Variants in ODF2L observed in about 807,000 individuals in gnomAD.
ODF2L encodes the protein outer dense fiber of sperm tails 2 like, also known as protein BCAP.
Under a neutral mutation model 86.3 loss-of-function variants are expected in ODF2L, and 76 were observed. That is an observed-to-expected ratio of 0.88 (90% CI 0.73 to 1.07). The LOEUF (loss-of-function observed/expected upper bound fraction) is 1.07, where lower values mean the gene tolerates loss of function less well. Among genes scored for constraint, ODF2L ranks in the 50% least tolerant of loss-of-function variants. The pLI is 0.00. For synonymous variants in ODF2L, 241 were observed against 231.3 expected (o/e 1.04, Z -0.38); for missense variants, 748 against 717.4 (o/e 1.04, Z -0.49).
chr1:86,384,593 A>G, intron 4 of ODF2L, 83 bp downstream of exon 4: 1 of 903,576 alleles, frequency 1.1e-6, no homozygotes, highest in Non-Finnish European at 1.5e-6. Flanking sequence ...AAATATACCA[A>G]TAATTTCTAC....
chr1:86,348,848 C>G, downstream of ODF2L: 1 of 1,556,588 alleles, frequency 6.4e-7, no homozygotes, highest in Non-Finnish European at 8.6e-7. Flanking sequence ...TTTTGTACTT[C>G]TTTCAAACAC....
intron 8 of ODF2L, 28 bp from the exon 9 acceptor site, chr1:86,372,568 T>A: frequency 8.4e-7 from 1 of 1,195,772 alleles, no homozygotes; most frequent in Non-Finnish European, 1.2e-6. Flanking sequence ...GTATTCATAC[T>A]ATAATTTTAA....
rs375495271 is a variant in ODF2L at position 86,382,361 on chromosome 1, G to A, written c.508-3C>T. 3.0e-5 allele frequency: 49 copies of A among 1,608,378 alleles called. No individual in the cohort carries two copies. The African/African-American group carries it at 6.2e-4, about 20-fold the overall frequency. ...CGGTTTGCTTTCAAAGTATTTGCCTGTAACAAAGAGAAAGAGAAAACCAAA... is the reference window on the plus strand; with the variant it reads ...CGGTTTGCTTTCAAAGTATTTGCCTATAACAAAGAGAAAGAGAAAACCAAA... On this transcript the variant is annotated splice_polypyrimidine_tract_variant and splice_region_variant and intron_variant, in intron 6 of 17. Transcript: ENST00000317336.
chr1:86,358,676 A>G, intron 13 of ODF2L, 111 bp downstream of exon 12: 1 of 459,998 alleles, frequency 2.2e-6, no homozygotes, highest in Admixed American at 4.1e-5. Flanking sequence ...GGCTAAGACT[A>G]GCCCTTTCCT....
At chr1:86,356,748 T>C (rs1267960908) in intron 13 of ODF2L, 146 bp from the exon 13 acceptor site, 1 of 609,294 alleles carries the variant, frequency 1.6e-6, no homozygotes, top group Non-Finnish European at 2.5e-6. Context: ...AATATTAAAC[T>C]CTGTTAAATA....
At position 86,354,678 on chromosome 1, in the gene ODF2L, ATCTGT is replaced by A. The variant is rs753329431; in HGVS notation, c.1614_1618del (p.Glu538AspfsTer6). 1 of 1,608,810 alleles carries A rather than the reference ATCTGT, an allele frequency of 6.2e-7. No homozygotes were observed. Among genetic ancestry groups the A allele is most frequent in the South Asian group, 1.1e-5 (1 of 89,980 alleles). On this transcript the variant is annotated frameshift_variant, in exon 16 of 18. Transcript: ENST00000317336. LOFTEE classifies it high-confidence loss of function. ...CTCAAGCTCTTTATTTTCTGCGTCC[ATCTGT>A]TCTAATTTTCTTTTTACAGAAAACA... is the stretch of plus-strand genomic sequence containing the variant.
intron 1 of ODF2L, among the ~76,000 whole-genome samples, chr1:86,391,136 G>A (rs150253154): frequency 0.025 from 3,737 of 152,184 alleles, 116 homozygotes; most frequent in East Asian, 0.14. Flanking sequence ...TAACCAAGGA[G>A]GTGAAAGACC....
intron 1 of ODF2L, among the ~76,000 whole-genome samples, chr1:86,391,292 C>A (rs537920168): frequency 1.3e-4 from 20 of 152,036 alleles, no homozygotes; most frequent in African/African-American, 4.8e-4. Flanking sequence ...CAATGCAATT[C>A]GCATAAAAAT....
intron 1 of ODF2L, among the ~76,000 whole-genome samples, chr1:86,394,886 G>A (rs542615808): frequency 8.4e-4 from 117 of 138,752 alleles, no homozygotes; most frequent in African/African-American, 3.0e-3. Flanking sequence ...TGTCGCCCAG[G>A]CTGGAGTGCA....
At chr1:86,357,451 G>A (rs559990994) in intron 13 of ODF2L, among the ~76,000 whole-genome samples, 4 of 151,412 alleles carry the variant, frequency 2.6e-5, no homozygotes, top group Admixed American at 6.6e-5. Context: ...AAGACTTGTC[G>A]CCATCCTTGG....
intron 14 of ODF2L, among the ~76,000 whole-genome samples, chr1:86,355,656 A>AT: frequency 6.6e-6 from 1 of 151,900 alleles, no homozygotes; most frequent in Non-Finnish European, 1.5e-5. Context: ...CCTGTTAGTT[A>AT]TTTTTTCTGA....
At chr1:86,382,243 T>C (rs1174164248) in exon 7 of ODF2L, 3 of 1,607,206 alleles carry the variant, frequency 1.9e-6, no homozygotes, top group Non-Finnish European at 2.5e-6. Flanking sequence ...ATATATAACC[T>C]TTACATATTC....
intron 13 of ODF2L, chr1:86,357,603 G>GA (rs72508994): frequency 0.2 from 33,567 of 167,888 alleles, 3,372 homozygotes; most frequent in African/African-American, 0.31. Context: ...AGTAAAACAG[G>GA]AAAAAAAAAA....
intron 6 of ODF2L, among the ~76,000 whole-genome samples, chr1:86,382,669 G>A (rs1660668941): frequency 6.6e-6 from 1 of 151,726 alleles, no homozygotes; most frequent in Non-Finnish European, 1.5e-5. Flanking sequence ...TTCCCCAACT[G>A]AAACACAATA....
At chr1:86,384,545 TTAA>T (rs1660801538) in intron 4 of ODF2L, 128 bp downstream of exon 4, 1 of 478,560 alleles carries the variant, frequency 2.1e-6, no homozygotes, top group Non-Finnish European at 3.3e-6. Context: ...AAGGTGGGGA[TTAA>T]TGACTGACAA....
intron 11 of ODF2L, chr1:86,368,564 A>C: frequency 1.6e-6 from 2 of 1,248,430 alleles, no homozygotes; most frequent in Non-Finnish European, 1.0e-6. Context: ...AAACACTACA[A>C]ATCAAAAACA....
rs372636514 is a variant in ODF2L at position 86,387,668 on chromosome 1, G to T, written c.-59-582C>A. Among the ~76,000 whole-genome samples the T allele has an allele frequency of 1.1e-4, 17 of 152,150 alleles. No homozygotes were observed. In the East Asian group the frequency reaches 2.5e-3, roughly 22 times the overall value. ...ACTTCCAAATTTTACCAATCTAATT[G>T]TTTTTACTCACACCTGTAGATGTCA... On this transcript the variant is annotated intron_variant, in intron 1 of 17. Coordinates refer to ENST00000317336, the Ensembl canonical transcript of ODF2L.
At position 86,383,200 on chromosome 1, in the gene ODF2L, A is replaced by C; in HGVS notation, c.373-4T>G. On this transcript the variant is annotated splice_polypyrimidine_tract_variant and splice_region_variant and intron_variant, in intron 4 of 17. Transcript: ENST00000317336. Reference sequence around the variant, plus strand: ...TGCTGGATAAATTGTCTCCTGTCTGAGAAAAGAATGTTATAAATCAGTGAT... The same window carrying C: ...TGCTGGATAAATTGTCTCCTGTCTGCGAAAAGAATGTTATAAATCAGTGAT... The C allele has an allele frequency of 1.3e-6, 2 of 1,528,582 alleles. No individual in the cohort carries two copies. The highest frequency in any genetic ancestry group is 1.8e-6 in the Non-Finnish European group (2 of 1,121,534). 94.7% of individuals were successfully genotyped at this position (1,528,582 alleles called of 1,614,324 possible). A position where few individuals can be genotyped will look rare whatever the true frequency, so the allele number is the denominator to read the frequency against.
At chr1:86,357,679 C>T (rs1658692884) in intron 13 of ODF2L, 2 of 894,672 alleles carry the variant, frequency 2.2e-6, no homozygotes, top group Non-Finnish European at 1.3e-6. Context: ...CCTCAGTGTC[C>T]TTAAAACATC....
Sources: allele counts gnomAD v4.1 joint callset (sites outside exome capture counted in the v4.1 genomes callset), GRCh38; gene constraint gnomAD v4.1.1; transcripts MANE v1.5; gene names NCBI Gene and HGNC (gene_info 2026-07-23, HGNC 2026-07-21).